CRYBG3: variants seen among roughly 807,000 people sequenced by gnomAD.
CRYBG3 encodes very large A-kinase anchor protein.
Under a neutral mutation model 244.2 loss-of-function variants are expected in CRYBG3, and 127 were observed. That is an observed-to-expected ratio of 0.52 (90% CI 0.45 to 0.60). CRYBG3 has a LOEUF of 0.60. Among genes scored for constraint, CRYBG3 ranks in the 20% least tolerant of loss-of-function variants. The pLI is 0.00. For missense variants in CRYBG3, 3,325 were observed against 3,442.5 expected (o/e 0.97, Z 0.85); for synonymous variants, 1,132 against 1,195.8 (o/e 0.95, Z 1.10).
chr3:97,854,788 TATC>T (rs2039041324), intron 2 of CRYBG3, among the ~76,000 whole-genome samples: 1 of 152,084 alleles, frequency 6.6e-6, no homozygotes, highest in Non-Finnish European at 1.5e-5. Context: ...AACACGATCA[TATC>T]ATCAGCCAAC....
At chr3:97,886,601 T>A (rs2039509468) in intron 7 of CRYBG3, 30 bp from the exon 8 acceptor site, 2 of 1,580,930 alleles carry the variant, frequency 1.3e-6, no homozygotes, top group Non-Finnish European at 1.7e-6. Context: ...CTCTAGTTGA[T>A]TTCAAAGCCA....
At chr3:97,824,911 A>G (rs1232094913) in intron 1 of CRYBG3, among the ~76,000 whole-genome samples, 1 of 152,206 alleles carries the variant, frequency 6.6e-6, no homozygotes, top group Admixed American at 6.5e-5. Flanking sequence ...CATACAAGGA[A>G]TGGACTCATT....
chr3:97,907,337 G>A (rs906230494), intron 15 of CRYBG3, among the ~76,000 whole-genome samples: 1 of 151,630 alleles, frequency 6.6e-6, no homozygotes, highest in African/African-American at 2.4e-5. Flanking sequence ...GTTCCTCCTT[G>A]TACCTCTGGT....
intron 1 of CRYBG3, among the ~76,000 whole-genome samples, chr3:97,833,224 A>G (rs2038678817): frequency 6.6e-6 from 1 of 152,228 alleles, no homozygotes; most frequent in Admixed American, 6.5e-5. Flanking sequence ...TATATACCCA[A>G]AGGATTATAA....
intron 2 of CRYBG3, among the ~76,000 whole-genome samples, chr3:97,857,927 A>G (rs903062466): frequency 3.3e-5 from 5 of 152,036 alleles, no homozygotes; most frequent in Admixed American, 3.3e-4. Context: ...GTGGTTTTCT[A>G]TCATGATGAG....
chr3:97,881,197 G>A lies in CRYBG3; in HGVS notation c.7130G>A (p.Gly2377Asp), dbSNP rs762608725. The change falls in exon 7 of 22, where the codon GGT becomes GAT. Residue 2377 changes from glycine to aspartate, a missense_variant. Physicochemically the swap from Gly to Asp is moderately conservative, Grantham distance 94. Transcript: ENST00000389622. The stretch of plus-strand genomic sequence containing the variant: ...CATCCACAAAGAAACTTTATATTGG[G>A]TTCTCTCAAACGTGTCTTAAAGGTA... ...RRHPQRNFILGSLKRVLKDCS... is the reference protein window; with the variant it reads ...RRHPQRNFILDSLKRVLKDCS... 6.2e-7 allele frequency: 1 copy of A among 1,606,710 alleles called. No homozygotes were observed. The highest frequency in any genetic ancestry group is 1.7e-5 in the Admixed American group (1 of 58,860).
chr3:97,842,953 T>A (rs1272984892), intron 1 of CRYBG3, among the ~76,000 whole-genome samples: 1 of 152,224 alleles, frequency 6.6e-6, no homozygotes, highest in African/African-American at 2.4e-5. Context: ...TGATGTTGAT[T>A]ATCTGTGTAA....
chr3:97,845,633 C>T (rs9289468), intron 2 of CRYBG3, among the ~76,000 whole-genome samples: 116,305 of 152,026 alleles, frequency 0.77, 45,034 homozygotes, highest in East Asian at 0.85. Flanking sequence ...CAGATGAATA[C>T]TTATCCCTTT....
At chr3:97,857,531 C>T (rs933698541) in intron 2 of CRYBG3, among the ~76,000 whole-genome samples, 1 of 149,090 alleles carries the variant, frequency 6.7e-6, no homozygotes, top group African/African-American at 2.5e-5. Flanking sequence ...TCTGAGTGTT[C>T]CCGTCTTGAG....
chr3:97,832,619 A>G (rs528270004), intron 1 of CRYBG3, among the ~76,000 whole-genome samples: 55 of 152,128 alleles, frequency 3.6e-4, no homozygotes, highest in African/African-American at 1.3e-3. Flanking sequence ...AAAAACCCTA[A>G]AAGAAAACCT....
intron 1 of CRYBG3, among the ~76,000 whole-genome samples, chr3:97,838,919 G>GT (rs1262798080): frequency 2.0e-5 from 3 of 151,964 alleles, no homozygotes; most frequent in Non-Finnish European, 4.4e-5. Flanking sequence ...TGTTGGATTC[G>GT]TTTTCAGCCA....
chr3:97,915,685 T>C lies in CRYBG3; in HGVS notation c.8190T>C (p.Thr2730=), dbSNP rs2039921681. The change falls in exon 17 of 22, where the codon ACT becomes ACC. Residue 2730 remains threonine (T), a synonymous_variant. Coordinates refer to ENST00000389622, the MANE Select transcript of CRYBG3 (RefSeq NM_153605.4). ...AAGAAGGCCTCTATGCTGACCTTAC[T>C]TCCTGCGGTTGCCCAGCATCTAAAG... ...VLEEGLYADL[T]SCGCPASKVK... The C allele has an allele frequency of 6.2e-7, 1 of 1,613,088 alleles. No individual in the cohort carries two copies. Among genetic ancestry groups the C allele is most frequent in the Non-Finnish European group, 8.5e-7 (1 of 1,179,282 alleles).
At chr3:97,879,834 A>G in intron 5 of CRYBG3, 86 bp downstream of exon 5, 1 of 1,024,534 alleles carries the variant, frequency 9.8e-7, no homozygotes, top group Non-Finnish European at 1.5e-6. Context: ...TGACTTAGAT[A>G]ATGATTTTAT....
chr3:97,824,024 A>T (rs1051238934), intron 1 of CRYBG3, among the ~76,000 whole-genome samples: 12 of 152,332 alleles, frequency 7.9e-5, no homozygotes, highest in South Asian at 6.2e-4. Context: ...AATTGTGCTT[A>T]TATCAACGCT....
At chr3:97,846,366 T>G (rs187196324) in intron 2 of CRYBG3, among the ~76,000 whole-genome samples, 2 of 152,320 alleles carry the variant, frequency 1.3e-5, no homozygotes, top group East Asian at 3.9e-4. Flanking sequence ...GTCAGTCCTC[T>G]GAAGTAATAT....
At chr3:97,911,171 C>T (rs1005531992) in intron 15 of CRYBG3, among the ~76,000 whole-genome samples, 1 of 152,142 alleles carries the variant, frequency 6.6e-6, no homozygotes, top group African/African-American at 2.4e-5. Context: ...AAGTAGAGGC[C>T]TTTGGGAAGA....
rs756968320 is a variant in CRYBG3 at position 97,877,138 on chromosome 3, A to G, written c.5944A>G (p.Lys1982Glu). 6.2e-7 allele frequency: 1 copy of G among 1,614,006 alleles called. No homozygotes were observed. Among genetic ancestry groups the G allele is most frequent in the Admixed American group, 1.7e-5 (1 of 60,018 alleles). ...DKRRETDYSD[K>E]GYNLAFVSQD... ...GAGGAGAGAGACAGATTATAGTGAC[A>G]AAGGATATAATTTAGCTTTTGTTTC... Residue 1982 changes from lysine to glutamate, a missense_variant, in exon 4 of 22, where the codon AAA (lysine) becomes GAA (glutamate). Coordinates refer to ENST00000389622, the MANE Select transcript of CRYBG3 (RefSeq NM_153605.4).
At chr3:97,933,653 A>G (rs757475254) in intron 17 of CRYBG3, 41 bp from the exon 18 acceptor site, 5 of 1,604,568 alleles carry the variant, frequency 3.1e-6, no homozygotes, top group Non-Finnish European at 4.3e-6. Flanking sequence ...TCACTGAGAT[A>G]TGGCCACTCC....
At position 97,943,551 on chromosome 3, in the gene CRYBG3, A is replaced by G; in HGVS notation, c.*237A>G. On this transcript the variant is annotated 3_prime_UTR_variant, in exon 22 of 22. Transcript: ENST00000389622. ...TATTATGATATCTTGGAAAGGTTCTATTCCTGATCTCCAGCTGTGGTGAGC... is the reference window on the plus strand; with the variant it reads ...TATTATGATATCTTGGAAAGGTTCTGTTCCTGATCTCCAGCTGTGGTGAGC... The G allele has an allele frequency of 2.2e-6, 1 of 450,584 alleles. No homozygotes were observed. Among genetic ancestry groups the G allele is most frequent in the South Asian group, 2.9e-5 (1 of 34,314 alleles). The allele number at this position is 450,584 out of a possible 1,614,324, so 27.9% of individuals were successfully genotyped here.
Sources: gnomAD v4.1 joint callset for allele counts (sites outside exome capture counted in the v4.1 genomes callset) on GRCh38, gnomAD v4.1.1 for gene constraint, MANE v1.5 for transcripts, NCBI Gene and HGNC (gene_info 2026-07-23, HGNC 2026-07-21) for gene names.